Variants in C12orf42 observed in about 807,000 individuals in gnomAD.
C12orf42 encodes chromosome 12 open reading frame 42, also known as uncharacterized protein C12orf42.
A neutral mutation model predicts 21.6 loss-of-function variants in C12orf42; 25 were observed. The ratio of observed to expected loss-of-function variants is 1.16; its 90% CI spans 0.84 to 1.62. The LOEUF is 1.62. Among genes scored for constraint, C12orf42 ranks in the 40% most tolerant of loss-of-function variants. The probability of loss-of-function intolerance (pLI) is 0.00; values close to 1 mark genes in which losing one functional copy is unlikely to be tolerated. For missense variants in C12orf42, 483 were observed against 459.3 expected (o/e 1.05, Z -0.47); for synonymous variants, 174 against 175.0 (o/e 0.99, Z 0.05).
At chr12:103,560,191 A>C in the C12orf42 span, among the ~76,000 whole-genome samples, 1 of 152,238 alleles carries the variant, frequency 6.6e-6, no homozygotes, top group African/African-American at 2.4e-5. Context: ...TACAAGGTTG[A>C]CTGCTTTGTC....
At chr12:103,369,118 T>A in intron 3 of C12orf42, 120 bp from the exon 4 acceptor site, 1 of 539,958 alleles carries the variant, frequency 1.9e-6, no homozygotes, top group Non-Finnish European at 3.3e-6. Context: ...TATTTTTGTT[T>A]CTTTATTCTT....
At chr12:103,150,949 T>C in the C12orf42 span, among the ~76,000 whole-genome samples, 5 of 152,192 alleles carry the variant, frequency 3.3e-5, no homozygotes, top group Non-Finnish European at 5.9e-5. Context: ...GGAGTGTATC[T>C]GTTTTTTTGA....
the C12orf42 span, among the ~76,000 whole-genome samples, chr12:103,520,031 G>A: frequency 6.6e-5 from 10 of 152,134 alleles, no homozygotes; most frequent in African/African-American, 1.4e-4. Context: ...ATGCTGGAGC[G>A]GCCACAGGCA....
intron 4 of C12orf42, among the ~76,000 whole-genome samples, chr12:103,344,625 A>G (rs1349853719): frequency 6.6e-6 from 1 of 152,178 alleles, no homozygotes; most frequent in African/African-American, 2.4e-5. Flanking sequence ...GATTGGATCA[A>G]TTAAACTGTT....
At chr12:103,356,024 A>G (rs1455505429) in intron 4 of C12orf42, among the ~76,000 whole-genome samples, 2 of 152,136 alleles carry the variant, frequency 1.3e-5, no homozygotes, top group African/African-American at 2.4e-5. Context: ...CAAGGTAAGT[A>G]AAGTGCAGAG....
At chr12:103,204,414 A>G in the C12orf42 span, among the ~76,000 whole-genome samples, 67 of 152,258 alleles carry the variant, frequency 4.4e-4, no homozygotes, top group Non-Finnish European at 8.7e-4. Flanking sequence ...TGAAATGATC[A>G]TGTCTACTGA....
intron 1 of C12orf42, among the ~76,000 whole-genome samples, chr12:103,487,668 G>A (rs1954925290): frequency 6.6e-6 from 1 of 152,218 alleles, no homozygotes; most frequent in Non-Finnish European, 1.5e-5. Flanking sequence ...ATTTAGGGTA[G>A]TTAGCTCTTC....
At chr12:103,543,594 C>A in the C12orf42 span, among the ~76,000 whole-genome samples, 3 of 151,220 alleles carry the variant, frequency 2.0e-5, no homozygotes, top group African/African-American at 7.3e-5. Flanking sequence ...GCATGGGTAA[C>A]AAAATGGGAA....
At chr12:103,376,685 T>C (rs574700356) in intron 3 of C12orf42, among the ~76,000 whole-genome samples, 8 of 152,330 alleles carry the variant, frequency 5.3e-5, no homozygotes, top group African/African-American at 1.9e-4. Flanking sequence ...ATTTGTATTC[T>C]TTGTTCTTAC....
rs148010955 is a variant in C12orf42 at position 103,473,763 on chromosome 12, A to C, written c.78+4586T>G. On this transcript the variant is annotated intron_variant, in intron 2 of 5. Coordinates refer to ENST00000548883, the MANE Select transcript of C12orf42 (RefSeq NM_198521.5). ...ACTCCCAATCCCTGTATTATAATTAATACTATGGGGAATTGGGAATGCCAT... is the reference window on the plus strand; with the variant it reads ...ACTCCCAATCCCTGTATTATAATTACTACTATGGGGAATTGGGAATGCCAT... 1.5e-3 allele frequency among the ~76,000 whole-genome samples: 221 copies of C among 152,248 alleles called. 2 individuals carry two copies. The highest frequency in any genetic ancestry group is 4.9e-3 in the African/African-American group (203 of 41,542).
intron 4 of C12orf42, among the ~76,000 whole-genome samples, chr12:103,343,702 A>G (rs902126301): frequency 6.7e-6 from 1 of 148,984 alleles, no homozygotes; most frequent in Admixed American, 6.9e-5. Context: ...TGAACCCGGG[A>G]GGCAGAGGTT....
the C12orf42 span, among the ~76,000 whole-genome samples, chr12:103,185,652 T>C: frequency 2.0e-5 from 3 of 152,136 alleles, no homozygotes; most frequent in Non-Finnish European, 4.4e-5. Context: ...GGGAGGGACC[T>C]GGTGGGAGAG....
chr12:103,092,270 G>A, the C12orf42 span, among the ~76,000 whole-genome samples: 1 of 152,138 alleles, frequency 6.6e-6, no homozygotes, highest in Non-Finnish European at 1.5e-5. Flanking sequence ...AGGATGTTCC[G>A]GGGGATATGC....
chr12:103,405,475 G>A (rs1210828272), intron 2 of C12orf42, among the ~76,000 whole-genome samples: 1 of 152,178 alleles, frequency 6.6e-6, no homozygotes, highest in Non-Finnish European at 1.5e-5. Context: ...AAAGGTCTGA[G>A]CAAAGGGATA....
At chr12:103,283,603 A>T (rs1593280802) in intron 4 of C12orf42, among the ~76,000 whole-genome samples, 1 of 152,116 alleles carries the variant, frequency 6.6e-6, no homozygotes, top group Admixed American at 6.5e-5. Flanking sequence ...AGAGTCTTGG[A>T]CCAGCCAGCG....
intron 4 of C12orf42, among the ~76,000 whole-genome samples, chr12:103,355,816 C>T (rs1246878941): frequency 1.3e-5 from 2 of 152,070 alleles, no homozygotes; most frequent in Admixed American, 6.6e-5. Flanking sequence ...ATTGTCCTCC[C>T]TTAGTATTGG....
chr12:103,249,904 C>T (rs1464521072), intron 10 of C12orf42, among the ~76,000 whole-genome samples: 1 of 152,086 alleles, frequency 6.6e-6, no homozygotes, highest in East Asian at 1.9e-4. Flanking sequence ...CTCACCAGGG[C>T]TAGTTGCTAT....
At chr12:103,340,284 G>A (rs904864654) in intron 4 of C12orf42, among the ~76,000 whole-genome samples, 2 of 152,334 alleles carry the variant, frequency 1.3e-5, no homozygotes, top group East Asian at 1.9e-4. Flanking sequence ...ACTGCTCTAA[G>A]TTAAAAAGAA....
chr12:103,559,946 A>G, the C12orf42 span: 2 of 152,222 alleles, frequency 1.3e-5, no homozygotes, highest in Non-Finnish European at 2.9e-5. Context: ...CTTGTATGAC[A>G]CCACTGCCTC....
Sources: allele counts gnomAD v4.1 joint callset (sites outside exome capture counted in the v4.1 genomes callset), GRCh38; gene constraint gnomAD v4.1.1; transcripts MANE v1.5; gene names NCBI Gene and HGNC (gene_info 2026-07-23, HGNC 2026-07-21).